Variants in MELK observed in about 807,000 individuals in gnomAD.
MELK encodes the protein pEg3 kinase.
MELK carries 81 observed loss-of-function variants against 85.0 expected under a neutral mutation model. The observed-to-expected ratio is 0.95, with a 90% CI of 0.80 to 1.15. MELK has a LOEUF of 1.15. Among genes scored for constraint, MELK ranks in the 50% most tolerant of loss-of-function variants. The pLI is 0.00. For missense variants in MELK, 754 were observed against 777.5 expected (o/e 0.97, Z 0.36); for synonymous variants, 252 against 265.0 (o/e 0.95, Z 0.48).
chr9:36,669,286 T>C, intron 14 of MELK, 24 bp from the exon 15 acceptor site: 1 of 1,488,542 alleles, frequency 6.7e-7, no homozygotes, highest in South Asian at 1.2e-5. Flanking sequence ...TGCATATGGA[T>C]TGTGTTTGTT....
chr9:36,635,446 T>C, intron 10 of MELK, among the ~76,000 whole-genome samples: 1 of 152,044 alleles, frequency 6.6e-6, no homozygotes, highest in African/African-American at 2.4e-5. Flanking sequence ...GTATTTTTAG[T>C]AGAGATGGGA....
chr9:36,597,136 C>T, intron 5 of MELK, 86 bp from the exon 6 acceptor site: 1 of 1,159,038 alleles, frequency 8.6e-7, no homozygotes, highest in Non-Finnish European at 1.3e-6. Context: ...CACACCTGGC[C>T]TTAAGTCATT....
chr9:36,659,104 A>G (rs1831544003), intron 13 of MELK, among the ~76,000 whole-genome samples: 1 of 151,914 alleles, frequency 6.6e-6, no homozygotes. Flanking sequence ...GATGGTCTCG[A>G]TCTCCTGACC....
chr9:36,575,579 G>T (rs1010331864), intron 1 of MELK, among the ~76,000 whole-genome samples: 1 of 151,976 alleles, frequency 6.6e-6, no homozygotes, highest in Non-Finnish European at 1.5e-5. Context: ...TGAGAGAAGC[G>T]GGTAGATAGA....
At chr9:36,618,366 G>A (rs373407036) in intron 8 of MELK, among the ~76,000 whole-genome samples, 28 of 144,114 alleles carry the variant, frequency 1.9e-4, no homozygotes, top group African/African-American at 7.0e-4. Context: ...CTGAGATTGC[G>A]CCACTGCACT....
At chr9:36,668,031 A>T (rs1238266786) in intron 14 of MELK, among the ~76,000 whole-genome samples, 1 of 152,260 alleles carries the variant, frequency 6.6e-6, no homozygotes, top group South Asian at 2.1e-4. Flanking sequence ...CGGCCTCCCA[A>T]AGTGCTGGGA....
chr9:36,616,071 C>G (rs956917423), intron 8 of MELK, among the ~76,000 whole-genome samples: 1 of 152,178 alleles, frequency 6.6e-6, no homozygotes, highest in Non-Finnish European at 1.5e-5. Context: ...CCGGGCGGCG[C>G]TCGCCGGCGC....
At position 36,612,593 on chromosome 9, in the gene MELK, C is replaced by T. The variant is rs538555820; in HGVS notation, c.666+4920C>T. 1.1e-4 allele frequency among the ~76,000 whole-genome samples: 17 copies of T among 152,288 alleles called. No homozygotes were observed. The South Asian group carries it at 3.3e-3, about 30-fold the overall frequency. On this transcript the variant is annotated intron_variant, in intron 8 of 17. Transcript: ENST00000298048. ...AGAGATGAGGTTTCACCATGTTGGCCAGGCTGGTCTCGAACTGACCTCAAG... is the reference window on the plus strand; with the variant it reads ...AGAGATGAGGTTTCACCATGTTGGCTAGGCTGGTCTCGAACTGACCTCAAG...
intron 10 of MELK, among the ~76,000 whole-genome samples, chr9:36,642,771 G>A (rs1207896594): frequency 6.6e-6 from 1 of 152,004 alleles, no homozygotes; most frequent in Non-Finnish European, 1.5e-5. Flanking sequence ...GATGATGATG[G>A]GGATAAAGAG....
chr9:36,673,471 C>T (rs1833072389), intron 16 of MELK, among the ~76,000 whole-genome samples: 1 of 152,102 alleles, frequency 6.6e-6, no homozygotes, highest in African/African-American at 2.4e-5. Flanking sequence ...CTCTGCTGCC[C>T]AGGCTGTGGT....
intron 2 of MELK, among the ~76,000 whole-genome samples, chr9:36,582,925 A>G (rs1936041814): frequency 6.6e-6 from 1 of 151,402 alleles, no homozygotes; most frequent in Non-Finnish European, 1.5e-5. Flanking sequence ...GAGTGGAGAC[A>G]TTTGTCCAGC....
chr9:36,608,864 T>C (rs981998196), intron 8 of MELK, among the ~76,000 whole-genome samples: 1 of 152,222 alleles, frequency 6.6e-6, no homozygotes, highest in Non-Finnish European at 1.5e-5. Context: ...ATTACAGGCA[T>C]GAGCCACCGC....
At chr9:36,641,213 A>G (rs1277931533) in intron 10 of MELK, among the ~76,000 whole-genome samples, 1 of 152,180 alleles carries the variant, frequency 6.6e-6, no homozygotes, top group African/African-American at 2.4e-5. Flanking sequence ...AGCACAGAGG[A>G]AATAGAATTA....
At chr9:36,587,003 C>G (rs1192860711) in intron 3 of MELK, among the ~76,000 whole-genome samples, 3 of 151,558 alleles carry the variant, frequency 2.0e-5, no homozygotes. Flanking sequence ...CTGGGACCAC[C>G]ACGCCCAGCT....
intron 10 of MELK, among the ~76,000 whole-genome samples, chr9:36,641,121 G>T (rs891834209): frequency 6.6e-6 from 1 of 152,212 alleles, no homozygotes; most frequent in Non-Finnish European, 1.5e-5. Context: ...TAAAGTGGAG[G>T]TTGGCGGAAC....
At chr9:36,597,639 G>C (rs1475748658) in intron 6 of MELK, among the ~76,000 whole-genome samples, 1 of 152,106 alleles carries the variant, frequency 6.6e-6, no homozygotes, top group Non-Finnish European at 1.5e-5. Flanking sequence ...TGATGCCTTT[G>C]TTTGTTTAGA....
intron 2 of MELK, among the ~76,000 whole-genome samples, chr9:36,583,234 A>G (rs1481947875): frequency 6.6e-6 from 1 of 152,034 alleles, no homozygotes; most frequent in East Asian, 1.9e-4. Context: ...CGGTCTCCCA[A>G]AGTGCTGGGA....
chr9:36,595,810 T>G (rs902872697), intron 5 of MELK, among the ~76,000 whole-genome samples: 2 of 151,930 alleles, frequency 1.3e-5, no homozygotes, highest in African/African-American at 4.8e-5. Flanking sequence ...ATGTATGTAT[T>G]TATTTATTTT....
intron 2 of MELK, among the ~76,000 whole-genome samples, chr9:36,582,054 C>T (rs1010158194): frequency 6.6e-6 from 1 of 151,782 alleles, no homozygotes; most frequent in African/African-American, 2.4e-5. Context: ...TCACTGCAAG[C>T]TCTGCCTCCC....
Sources: allele counts gnomAD v4.1 joint callset (sites outside exome capture counted in the v4.1 genomes callset), GRCh38; gene constraint gnomAD v4.1.1; transcripts MANE v1.5; gene names NCBI Gene and HGNC (gene_info 2026-07-23, HGNC 2026-07-21).